Variants in PTPRD observed in about 807,000 individuals in gnomAD.
PTPRD encodes receptor-type tyrosine-protein phosphatase delta.
Under a neutral mutation model 214.5 loss-of-function variants are expected in PTPRD, and 34 were observed. That is an observed-to-expected ratio of 0.16 (90% CI 0.12 to 0.21). The LOEUF (loss-of-function observed/expected upper bound fraction) is 0.21. Ranked by LOEUF, PTPRD falls within the 10% of genes least tolerant of loss-of-function variation. PTPRD has a pLI of 1.00. For synonymous variants in PTPRD, 1,128 were observed against 845.7 expected, an observed-to-expected ratio of 1.33 and a Z score of -5.79; for missense variants, 2,545 against 2,398.7, an observed-to-expected ratio of 1.06 and a Z score of -1.27.
At chr9:8,866,456 G>T (rs1175932833) in intron 11 of PTPRD, among the ~76,000 whole-genome samples, 1 of 151,910 alleles carries the variant, frequency 6.6e-6, no homozygotes, top group Non-Finnish European at 1.5e-5. Context: ...CCCAATCTAT[G>T]CCCCAACGTG....
chr9:9,983,052 T>A (rs1383720656), intron 4 of PTPRD, among the ~76,000 whole-genome samples: 2 of 88,642 alleles, frequency 2.3e-5, no homozygotes, highest in South Asian at 8.3e-4. Context: ...TACTTAAATA[T>A]GTTATACCAA....
intron 11 of PTPRD, among the ~76,000 whole-genome samples, chr9:8,989,697 T>C (rs922899901): frequency 6.6e-6 from 1 of 152,138 alleles, no homozygotes; most frequent in African/African-American, 2.4e-5. Flanking sequence ...GCATGACCAA[T>C]ATTTAAGATA....
At chr9:8,660,963 GAC>G (rs199622866) in intron 12 of PTPRD, among the ~76,000 whole-genome samples, 1 of 151,634 alleles carries the variant, frequency 6.6e-6, no homozygotes, top group African/African-American at 2.4e-5. Flanking sequence ...ATTTAACTGA[GAC>G]ACACACACAC....
intron 2 of PTPRD, among the ~76,000 whole-genome samples, chr9:10,519,191 A>G (rs2051255388): frequency 6.7e-6 from 1 of 150,130 alleles, no homozygotes; most frequent in Non-Finnish European, 1.5e-5. Context: ...TTGCCAGTAC[A>G]CAAAAAATCT....
chr9:8,493,986 A>G (rs1391704922), intron 26 of PTPRD, among the ~76,000 whole-genome samples: 1 of 133,380 alleles, frequency 7.5e-6, no homozygotes, highest in East Asian at 2.3e-4. Flanking sequence ...GCGCACACAC[A>G]CAGACACACA....
intron 26 of PTPRD, among the ~76,000 whole-genome samples, chr9:8,494,524 A>C (rs773359861): frequency 1.3e-5 from 2 of 152,248 alleles, no homozygotes; most frequent in South Asian, 2.1e-4. Context: ...GTAAATGCCA[A>C]CATTATGGTT....
chr9:9,841,571 T>C (rs987437893), intron 5 of PTPRD, among the ~76,000 whole-genome samples: 1 of 152,162 alleles, frequency 6.6e-6, no homozygotes, highest in Non-Finnish European at 1.5e-5. Context: ...AACATGGACC[T>C]AGCGATAGAA....
At chr9:10,408,172 C>A (rs970888666) in intron 2 of PTPRD, among the ~76,000 whole-genome samples, 2 of 151,426 alleles carry the variant, frequency 1.3e-5, no homozygotes, top group African/African-American at 4.8e-5. Flanking sequence ...CAAGTGACAA[C>A]CAACCTAAGG....
chr9:9,560,151 C>G (rs69781), intron 8 of PTPRD, among the ~76,000 whole-genome samples: 1 of 151,996 alleles, frequency 6.6e-6, no homozygotes, highest in African/African-American at 2.4e-5. Flanking sequence ...TTCTCTCAGA[C>G]GTCTTGCACT....
At chr9:9,537,831 A>T (rs1272558929) in intron 8 of PTPRD, among the ~76,000 whole-genome samples, 3 of 151,992 alleles carry the variant, frequency 2.0e-5, no homozygotes, top group Non-Finnish European at 1.5e-5. Context: ...GTGTTCAGTC[A>T]CTAATAATCT....
At chr9:10,009,390 G>A (rs1470383279) in intron 4 of PTPRD, among the ~76,000 whole-genome samples, 1 of 151,962 alleles carries the variant, frequency 6.6e-6, no homozygotes, top group Admixed American at 6.6e-5. Flanking sequence ...GGTGTGCACG[G>A]GTTCGGTCCA....
At chr9:9,349,413 G>A (rs1418631252) in intron 9 of PTPRD, among the ~76,000 whole-genome samples, 5 of 152,004 alleles carry the variant, frequency 3.3e-5, no homozygotes, top group African/African-American at 9.7e-5. Flanking sequence ...CAGAAACACT[G>A]CAAGCAAGCT....
chr9:9,147,983 C>A (rs2099871524), intron 10 of PTPRD, among the ~76,000 whole-genome samples: 1 of 152,146 alleles, frequency 6.6e-6, no homozygotes, highest in African/African-American at 2.4e-5. Flanking sequence ...GCTTGAGAAC[C>A]ACTATCACCT....
At chr9:10,165,850 A>C (rs1444334367) in intron 3 of PTPRD, among the ~76,000 whole-genome samples, 1 of 151,110 alleles carries the variant, frequency 6.6e-6, no homozygotes, top group African/African-American at 2.4e-5. Context: ...AAATCTGAAA[A>C]TTTTAAAGGC....
chr9:8,707,146 T>A (rs532870432), intron 12 of PTPRD, among the ~76,000 whole-genome samples: 1 of 152,364 alleles, frequency 6.6e-6, no homozygotes, highest in African/African-American at 2.4e-5. Flanking sequence ...CCTTAAGGAC[T>A]ATACTCTATG....
intron 10 of PTPRD, among the ~76,000 whole-genome samples, chr9:9,155,665 G>A (rs1014737493): frequency 2.0e-5 from 3 of 152,070 alleles, no homozygotes; most frequent in Non-Finnish European, 2.9e-5. Context: ...TTGTTTGCTT[G>A]TTTCACATAA....
intron 9 of PTPRD, among the ~76,000 whole-genome samples, chr9:9,199,564 A>G (rs1051294747): frequency 3.3e-5 from 5 of 152,204 alleles, no homozygotes; most frequent in Admixed American, 2.0e-4. Context: ...AAAGTGTTAT[A>G]AAGGAAACCA....
chr9:8,856,266 G>C (rs1404798421), intron 11 of PTPRD, among the ~76,000 whole-genome samples: 2 of 152,058 alleles, frequency 1.3e-5, no homozygotes, highest in East Asian at 1.9e-4. Flanking sequence ...TATCATCCTT[G>C]TTTTACTCAA....
chr9:8,509,421 C>T (rs2097624333), intron 21 of PTPRD, among the ~76,000 whole-genome samples: 1 of 151,948 alleles, frequency 6.6e-6, no homozygotes, highest in Non-Finnish European at 1.5e-5. Flanking sequence ...TGATTTTTTT[C>T]CTAGTTTTAT....
Sources: allele counts gnomAD v4.1 joint callset (sites outside exome capture counted in the v4.1 genomes callset), GRCh38; gene constraint gnomAD v4.1.1; transcripts MANE v1.5; gene names NCBI Gene and HGNC (gene_info 2026-07-23, HGNC 2026-07-21).